Variants in RANBP17 observed in about 807,000 individuals in gnomAD.
The protein encoded by RANBP17 is RAN binding protein 17.
RANBP17 carries 158 observed loss-of-function variants against 141.2 expected under a neutral mutation model. That is an observed-to-expected ratio of 1.12 (90% CI 0.98 to 1.28). RANBP17 has a LOEUF of 1.28. RANBP17 is among the 50% of genes most tolerant of loss of function. The probability of loss-of-function intolerance (pLI) is 0.00; values close to 1 mark genes in which losing one functional copy is unlikely to be tolerated. For synonymous variants in RANBP17, 430 were observed against 450.0 expected (o/e 0.96, Z 0.56); for missense variants, 1,438 against 1,290.7 (o/e 1.11, Z -1.75).
chr5:170,946,219 A>G (rs1244904262), intron 12 of RANBP17, among the ~76,000 whole-genome samples: 1 of 152,174 alleles, frequency 6.6e-6, no homozygotes, highest in Non-Finnish European at 1.5e-5. Flanking sequence ...TTTAATAGTA[A>G]TAAAGGCTTG....
At chr5:170,941,794 T>C (rs143368989) in intron 12 of RANBP17, among the ~76,000 whole-genome samples, 9 of 152,350 alleles carry the variant, frequency 5.9e-5, no homozygotes, top group Non-Finnish European at 1.0e-4. Flanking sequence ...GGAATTCTTA[T>C]ATACTTCTGG....
intron 27 of RANBP17, among the ~76,000 whole-genome samples, 195 bp from the exon 28 acceptor site, chr5:171,298,567 T>A (rs1255033682): frequency 6.6e-6 from 1 of 152,122 alleles, no homozygotes; most frequent in Non-Finnish European, 1.5e-5. Flanking sequence ...CAGGAAGAGA[T>A]GAGGGGTTGG....
intron 1 of RANBP17, among the ~76,000 whole-genome samples, chr5:170,872,461 A>G (rs1298911907): frequency 6.6e-6 from 1 of 152,154 alleles, no homozygotes; most frequent in African/African-American, 2.4e-5. Flanking sequence ...GTCTGCAGAG[A>G]TGATTTGACT....
At chr5:170,864,613 T>C (rs1404651757) in intron 1 of RANBP17, among the ~76,000 whole-genome samples, 2 of 152,136 alleles carry the variant, frequency 1.3e-5, no homozygotes, top group Non-Finnish European at 2.9e-5. Context: ...GGAAAAAGAA[T>C]TGAGAAGAAG....
At chr5:171,022,165 C>A (rs947557100) in intron 14 of RANBP17, among the ~76,000 whole-genome samples, 1 of 152,122 alleles carries the variant, frequency 6.6e-6, no homozygotes, top group African/African-American at 2.4e-5. Context: ...AAAGATGGGT[C>A]CCTGCTCCTT....
At chr5:171,293,796 G>A (rs1768653057) in intron 25 of RANBP17, 87 bp from the exon 26 acceptor site, 1 of 920,540 alleles carries the variant, frequency 1.1e-6, no homozygotes, top group Non-Finnish European at 1.8e-6. Flanking sequence ...CAAGATGGAG[G>A]GGTGGAATCT....
intron 20 of RANBP17, among the ~76,000 whole-genome samples, chr5:171,212,893 G>A (rs927957969): frequency 1.5e-4 from 23 of 152,186 alleles, no homozygotes; most frequent in African/African-American, 5.1e-4. Context: ...CAGTTTTCCA[G>A]GTTCTGATGG....
chr5:170,995,370 ATTTATTTTGTAACCTACT>A (rs1481903816), intron 14 of RANBP17, among the ~76,000 whole-genome samples: 14 of 152,116 alleles, frequency 9.2e-5, no homozygotes, highest in African/African-American at 2.7e-4. Context: ...TTGTTCTCCA[ATTTATTTTGTAACCTACT>A]TTTATTTTGT....
At chr5:170,973,614 A>C (rs1323271393) in intron 14 of RANBP17, among the ~76,000 whole-genome samples, 1 of 149,802 alleles carries the variant, frequency 6.7e-6, no homozygotes, top group Non-Finnish European at 1.5e-5. Flanking sequence ...CCTACTAGTA[A>C]AATGGCCAAA....
intron 18 of RANBP17, among the ~76,000 whole-genome samples, chr5:171,185,067 G>T (rs1005794732): frequency 6.6e-6 from 1 of 152,172 alleles, no homozygotes; most frequent in Non-Finnish European, 1.5e-5. Flanking sequence ...GGAGGCTAAG[G>T]CAGGAGAATT....
intron 14 of RANBP17, among the ~76,000 whole-genome samples, chr5:171,166,930 T>C (rs1759740229): frequency 6.6e-6 from 1 of 152,190 alleles, no homozygotes; most frequent in Non-Finnish European, 1.5e-5. Flanking sequence ...TGATCCTGTT[T>C]AGTACTCAAG....
In RANBP17 at chr5:171,264,752, A is replaced by G. The variant is rs145879641; in HGVS notation, c.2777-929A>G. On this transcript the variant is annotated intron_variant, in intron 24 of 27. Transcript: ENST00000523189. ...GTGAAGTAGCTCTTTCAGATCAGCA[A>G]CTCAGAAAGTAATTGGCAAAGATAG... is the stretch of plus-strand genomic sequence containing the variant. 4.6e-5 allele frequency among the ~76,000 whole-genome samples: 7 copies of G among 152,340 alleles called. No individual in the cohort carries two copies. The East Asian group carries it at 1.3e-3, about 29-fold the overall frequency.
chr5:171,242,612 A>G (rs1368771836), intron 23 of RANBP17, 70 bp from the exon 24 acceptor site: 29 of 1,516,378 alleles, frequency 1.9e-5, no homozygotes, highest in East Asian at 4.5e-5. Flanking sequence ...ATAAATGACA[A>G]TTTTCACTGG....
At chr5:170,936,133 G>GGTGT (rs1773854226) in intron 12 of RANBP17, among the ~76,000 whole-genome samples, 1 of 152,180 alleles carries the variant, frequency 6.6e-6, no homozygotes, top group Non-Finnish European at 1.5e-5. Flanking sequence ...CGTCTGCTAA[G>GGTGT]GCCATTGGAA....
At chr5:171,216,628 C>T (rs1308674940) in intron 21 of RANBP17, among the ~76,000 whole-genome samples, 2 of 152,142 alleles carry the variant, frequency 1.3e-5, no homozygotes, top group Non-Finnish European at 2.9e-5. Flanking sequence ...TCCTTCACAT[C>T]CCTTATAAGT....
At chr5:171,044,098 G>A (rs1255461264) in intron 14 of RANBP17, among the ~76,000 whole-genome samples, 2 of 152,032 alleles carry the variant, frequency 1.3e-5, no homozygotes, top group African/African-American at 2.4e-5. Context: ...AATCAATCCT[G>A]TTGCACTATT....
chr5:171,105,032 G>A (rs1488527248), intron 14 of RANBP17, among the ~76,000 whole-genome samples: 3 of 152,146 alleles, frequency 2.0e-5, no homozygotes, highest in African/African-American at 7.2e-5. Context: ...TTCTTAGCAT[G>A]TTGTGAGTAC....
intron 19 of RANBP17, among the ~76,000 whole-genome samples, chr5:171,201,178 G>T (rs116656906): frequency 6.6e-6 from 1 of 152,076 alleles, no homozygotes; most frequent in Admixed American, 6.6e-5. Context: ...ATTTTTAATG[G>T]AGTTCCAGTG....
intron 5 of RANBP17, 51 bp from the exon 6 acceptor site, chr5:170,909,605 TTTTGG>T: frequency 2.0e-6 from 1 of 511,072 alleles, no homozygotes; most frequent in Non-Finnish European, 3.3e-6. Context: ...TTTTAGTAAA[TTTTGG>T]TTTGCTTTTT....
Sources: allele counts gnomAD v4.1 joint callset (sites outside exome capture counted in the v4.1 genomes callset), GRCh38; gene constraint gnomAD v4.1.1; transcripts MANE v1.5; gene names NCBI Gene and HGNC (gene_info 2026-07-23, HGNC 2026-07-21).